RAB3GAP1: variants seen among roughly 807,000 people sequenced by gnomAD.
The protein encoded by RAB3GAP1 is rab3 GTPase-activating protein catalytic subunit.
In RAB3GAP1, 86 loss-of-function variants were observed where a neutral mutation model predicts 130.7. That is an observed-to-expected ratio of 0.66 (90% confidence interval 0.55 to 0.79). RAB3GAP1 has a LOEUF of 0.79. RAB3GAP1 is among the 30% of genes least tolerant of loss of function. The pLI, the probability that RAB3GAP1 is intolerant of heterozygous loss-of-function variation, is 0.00. For missense variants in RAB3GAP1, 1,029 were observed against 1,169.4 expected, an observed-to-expected ratio of 0.88 and a Z score of 1.75; for synonymous variants, 367 against 401.7, an observed-to-expected ratio of 0.91 and a Z score of 1.03.
intron 7 of RAB3GAP1, among the ~76,000 whole-genome samples, chr2:135,119,868 A>C (rs1691145204): frequency 6.6e-6 from 1 of 152,216 alleles, no homozygotes; most frequent in African/African-American, 2.4e-5. Flanking sequence ...CCTATTTTAT[A>C]TTAGTTTAGA....
intron 7 of RAB3GAP1, among the ~76,000 whole-genome samples, chr2:135,117,409 TTTCTTCTTCTTCTTCTTCTTC>T (rs764864449): frequency 1.0e-5 from 1 of 100,194 alleles, no homozygotes; most frequent in Non-Finnish European, 2.4e-5. Flanking sequence ...CAATACTTTA[TTTCTTCTTCTTCTTCTTCTTC>T]TTCTTCTTCT....
At chr2:135,129,890 C>T in intron 11 of RAB3GAP1, 105 bp from the exon 12 acceptor site, 1 of 765,898 alleles carries the variant, frequency 1.3e-6, no homozygotes, top group South Asian at 1.6e-5. Flanking sequence ...TTACTTTCTA[C>T]CATATCTTAG....
rs560446755 is a variant in RAB3GAP1, at chr2:135,103,097, C to T, written c.362+9404C>T. Among the ~76,000 whole-genome samples the T allele has an allele frequency of 8.3e-4, 101 of 121,542 alleles. 1 individual carries two copies. Among genetic ancestry groups the T allele is most frequent in the African/African-American group, 3.1e-3 (94 of 30,310 alleles). The allele number at this position is 121,542 out of a possible 152,430, so 79.7% of individuals were successfully genotyped here. A position where few individuals can be genotyped will look rare whatever the true frequency, so the allele number is the denominator to read the frequency against. The stretch of plus-strand genomic sequence containing the variant: ...GTATTGCCAGGCTGGAGTGCAGTGG[C>T]GAAATCTTGGCTCACTGCAACCTCT... On this transcript the variant is annotated intron_variant, in intron 5 of 23. Transcript: ENST00000264158.
chr2:135,125,719 G>C (rs2104935350), intron 9 of RAB3GAP1, among the ~76,000 whole-genome samples: 1 of 152,250 alleles, frequency 6.6e-6, no homozygotes, highest in South Asian at 2.1e-4. Flanking sequence ...AATGGGGTGG[G>C]ATGGCACAAG....
At chr2:135,157,481 C>T (rs906708537) in intron 19 of RAB3GAP1, among the ~76,000 whole-genome samples, 1 of 152,100 alleles carries the variant, frequency 6.6e-6, no homozygotes, top group African/African-American at 2.4e-5. Context: ...AGTGATTTAT[C>T]GACACATCAA....
At position 135,126,701 on chromosome 2, in the gene RAB3GAP1, T is replaced by A. The variant is rs751807936; in HGVS notation, c.973+45T>A. The A allele has an allele frequency of 8.1e-6, 12 of 1,486,726 alleles. No individual in the cohort carries two copies. In the East Asian group the frequency reaches 2.7e-4, roughly 34 times the overall value. The allele number at this position is 1,486,726 out of a possible 1,614,324, so 92.1% of individuals were successfully genotyped here. ...TTTCCTGAAATACTGCTGATCTGCC[T>A]AACTTCCAAATCGGAGACACTGCAT... On this transcript the variant is annotated intron_variant, in intron 11 of 23. Coordinates refer to ENST00000264158, the MANE Select transcript of RAB3GAP1 (RefSeq NM_012233.3).
At chr2:135,131,756 C>G (rs777538367) in intron 13 of RAB3GAP1, among the ~76,000 whole-genome samples, 2 of 152,194 alleles carry the variant, frequency 1.3e-5, no homozygotes, top group Non-Finnish European at 2.9e-5. Flanking sequence ...GCTAACAAAA[C>G]CTTGCGAGAT....
At chr2:135,119,070 T>TCCTCCCTCCCTC (rs60770587) in intron 7 of RAB3GAP1, among the ~76,000 whole-genome samples, 1 of 137,896 alleles carries the variant, frequency 7.3e-6, no homozygotes, top group Non-Finnish European at 1.5e-5. Flanking sequence ...CTTCCTTCCT[T>TCCTCCCTCCCTC]CCTCCCTCCC....
Position 135,135,298 on chromosome 2 carries a change from T to G in RAB3GAP1, c.1533T>G (p.Cys511Trp). Reference protein sequence around the residue: ...LASGPPDLRCCLLHQKLQMLN... With the variant: ...LASGPPDLRCWLLHQKLQMLN... ...GTGGACCCCCAGATCTGAGGTGTTG[T>G]TTACTGCATCAGAAACTACAGGTAA... The change falls in exon 16 of 24, where the codon TGT becomes TGG. Residue 511 changes from cysteine (C) to tryptophan (W), a missense_variant. By Grantham distance (215) the Cys-to-Trp change is radical. This residue lies in a region of RAB3GAP1 where 373 missense variants were observed against 493.6 expected (regional missense o/e 0.76). Coordinates refer to ENST00000264158, the MANE Select transcript of RAB3GAP1 (RefSeq NM_012233.3). 1 of 1,610,426 alleles carries G rather than the reference T, an allele frequency of 6.2e-7. No homozygotes were observed. The highest frequency in any genetic ancestry group is 1.7e-4 in the Middle Eastern group (1 of 6,046).
At chr2:135,119,567 T>A (rs1285765335) in intron 7 of RAB3GAP1, among the ~76,000 whole-genome samples, 1 of 151,842 alleles carries the variant, frequency 6.6e-6, no homozygotes, top group Admixed American at 6.6e-5. Flanking sequence ...AAAGTTGATA[T>A]ACTGACCAGC....
chr2:135,079,895 C>T lies in RAB3GAP1; in HGVS notation c.151-11103C>T, dbSNP rs571480738. On this transcript the variant is annotated intron_variant, in intron 3 of 23. Transcript: ENST00000264158. ...CTGTAATCCCAGCACTTTGGGAGGC[C>T]GAGGCGGGCGGATCACGAGGTCAGG... Among the ~76,000 whole-genome samples the T allele has an allele frequency of 7.1e-3, 1,076 of 152,068 alleles. 12 individuals carry two copies. The highest frequency in any genetic ancestry group is 0.024 in the African/African-American group (1,006 of 41,494).
At chr2:135,171,493 C>T (rs1388227517), downstream of RAB3GAP1, among the ~76,000 whole-genome samples, 5 of 152,132 alleles carry the variant, frequency 3.3e-5, no homozygotes, top group Admixed American at 6.5e-5. Flanking sequence ...TGCCTGAGAC[C>T]GTGCTCCTAA....
intron 11 of RAB3GAP1, among the ~76,000 whole-genome samples, chr2:135,128,681 C>T (rs564155206): frequency 6.6e-6 from 1 of 152,214 alleles, no homozygotes; most frequent in Admixed American, 6.5e-5. Context: ...TAGACTTTTC[C>T]TACCTTTCTG....
At chr2:135,071,418 T>G (rs1171695767) in intron 3 of RAB3GAP1, among the ~76,000 whole-genome samples, 1 of 152,146 alleles carries the variant, frequency 6.6e-6, no homozygotes, top group Admixed American at 6.5e-5. Flanking sequence ...TTTACTAAAA[T>G]AGTCACAGAA....
chr2:135,080,942 A>T (rs939475813), intron 3 of RAB3GAP1, among the ~76,000 whole-genome samples: 2 of 152,180 alleles, frequency 1.3e-5, no homozygotes, highest in African/African-American at 4.8e-5. Context: ...ATAGAGTGGA[A>T]TGTATCTAGA....
chr2:135,155,231 G>A (rs1360644451), intron 19 of RAB3GAP1, among the ~76,000 whole-genome samples: 4 of 151,402 alleles, frequency 2.6e-5, no homozygotes, highest in Non-Finnish European at 5.9e-5. Context: ...AGAAGTAAAA[G>A]AAAAAAGAAA....
chr2:135,109,776 G>A (rs149414036), intron 5 of RAB3GAP1, among the ~76,000 whole-genome samples: 4 of 151,844 alleles, frequency 2.6e-5, no homozygotes, highest in African/African-American at 9.7e-5. Context: ...TAGAGATAGG[G>A]TTTCACCATG....
intron 3 of RAB3GAP1, chr2:135,089,756 TAA>T: frequency 3.6e-6 from 1 of 280,968 alleles, no homozygotes; most frequent in South Asian, 2.8e-5. Flanking sequence ...TATGCAGCCA[TAA>T]AAAAGGATGA....
intron 19 of RAB3GAP1, among the ~76,000 whole-genome samples, chr2:135,155,220 T>TAG (rs1692276990): frequency 6.6e-6 from 1 of 151,582 alleles, no homozygotes; most frequent in African/African-American, 2.4e-5. Flanking sequence ...TAGCTCAGGA[T>TAG]AGAAGTAAAA....
Sources: gnomAD v4.1 joint callset for allele counts (sites outside exome capture counted in the v4.1 genomes callset) on GRCh38, gnomAD v4.1.1 for gene constraint, gnomAD v4.1.1 regional missense constraint, MANE v1.5 for transcripts, NCBI Gene and HGNC (gene_info 2026-07-23, HGNC 2026-07-21) for gene names.